Variants in UST observed in about 807,000 individuals in gnomAD.
UST encodes the protein uronyl 2-sulfotransferase.
In UST, 21 loss-of-function variants were observed where a neutral mutation model predicts 45.6. The ratio of observed to expected loss-of-function variants is 0.46; its 90% CI spans 0.33 to 0.66. The LOEUF is 0.66. Ranked by LOEUF, UST falls within the 30% of genes least tolerant of loss-of-function variation. The pLI, the probability that UST is intolerant of heterozygous loss-of-function variation, is 0.02. For synonymous variants in UST, 215 were observed against 200.6 expected, an observed-to-expected ratio of 1.07 and a Z score of -0.61; for missense variants, 463 against 512.4, an observed-to-expected ratio of 0.90 and a Z score of 0.93.
chr6:148,916,499 G>A (rs1254784760), intron 2 of UST, among the ~76,000 whole-genome samples: 9 of 152,196 alleles, frequency 5.9e-5, no homozygotes, highest in Non-Finnish European at 1.3e-4. Context: ...TGCAGACATC[G>A]TTCTGGATCC....
chr6:148,866,472 C>T (rs976631765), intron 1 of UST, among the ~76,000 whole-genome samples: 4 of 152,066 alleles, frequency 2.6e-5, no homozygotes, highest in East Asian at 1.9e-4. Context: ...GTTGTTTCCT[C>T]GTCTACAAGA....
chr6:149,020,449 T>A (rs959019915), intron 6 of UST, among the ~76,000 whole-genome samples: 1 of 152,220 alleles, frequency 6.6e-6, no homozygotes, highest in African/African-American at 2.4e-5. Flanking sequence ...TTGAACTCCC[T>A]AAAGTATTTT....
At chr6:148,882,408 C>G (rs771068286) in intron 1 of UST, among the ~76,000 whole-genome samples, 10 of 147,940 alleles carry the variant, frequency 6.8e-5, no homozygotes, top group Non-Finnish European at 1.5e-4. Flanking sequence ...ATTGCTTGAA[C>G]CTGGAAGGCA....
intron 7 of UST, among the ~76,000 whole-genome samples, chr6:149,028,453 T>C (rs2115023764): frequency 6.6e-6 from 1 of 152,294 alleles, no homozygotes; most frequent in East Asian, 1.9e-4. Context: ...AGGTTCTCTT[T>C]GTAACTTCTA....
intron 1 of UST, among the ~76,000 whole-genome samples, chr6:148,812,377 A>G (rs879428138): frequency 3.1e-4 from 47 of 152,212 alleles, no homozygotes; most frequent in African/African-American, 9.6e-4. Context: ...ACTTGATAGC[A>G]CCACGTATTG....
chr6:148,862,101 A>C (rs951957188), intron 1 of UST, among the ~76,000 whole-genome samples: 2 of 152,190 alleles, frequency 1.3e-5, no homozygotes, highest in Admixed American at 1.3e-4. Flanking sequence ...GTGGGGTGTT[A>C]AAGTCTCCCA....
At chr6:149,019,891 C>T (rs551945921) in intron 6 of UST, among the ~76,000 whole-genome samples, 6 of 152,296 alleles carry the variant, frequency 3.9e-5, no homozygotes, top group Non-Finnish European at 5.9e-5. Context: ...ATCATAGTCT[C>T]GTGTGTAGCA....
intron 2 of UST, among the ~76,000 whole-genome samples, chr6:148,890,853 T>C (rs1779004765): frequency 6.6e-6 from 1 of 152,212 alleles, no homozygotes; most frequent in Admixed American, 6.5e-5. Context: ...AATACGGTGG[T>C]TTAAGGTTAG....
chr6:148,752,117 C>T (rs1470463763), intron 1 of UST, among the ~76,000 whole-genome samples: 4 of 152,008 alleles, frequency 2.6e-5, no homozygotes, highest in East Asian at 1.9e-4. Context: ...CCAATCTTTA[C>T]GTATATTATA....
At position 149,035,524 on chromosome 6, in the gene UST, G is replaced by A. The variant is rs1389955165; in HGVS notation, c.937+14043G>A. ...AATCCCAGCACTTTGGGAAGCCAAG[G>A]TGGGTGGATCTCTTGAGCTCAGGAG... On this transcript the variant is annotated intron_variant, in intron 7 of 7. Coordinates refer to ENST00000367463, the MANE Select transcript of UST (RefSeq NM_005715.3). Among the ~76,000 whole-genome samples the A allele has an allele frequency of 3.9e-5, 6 of 152,252 alleles. No individual in the cohort carries two copies. The East Asian group carries it at 1.2e-3, about 29-fold the overall frequency.
chr6:148,903,474 A>G (rs1406354355), intron 2 of UST, among the ~76,000 whole-genome samples: 1 of 152,198 alleles, frequency 6.6e-6, no homozygotes, highest in East Asian at 1.9e-4. Context: ...TTATTTTTAA[A>G]TTTTCTGAAA....
At chr6:148,946,792 C>T (rs569549364) in intron 3 of UST, among the ~76,000 whole-genome samples, 9 of 112,496 alleles carry the variant, frequency 8.0e-5, no homozygotes, top group East Asian at 2.7e-4. Context: ...CTAGCCTGGG[C>T]GACAGAGCGA....
At chr6:148,900,699 TC>T (rs1779236550) in intron 2 of UST, among the ~76,000 whole-genome samples, 1 of 152,222 alleles carries the variant, frequency 6.6e-6, no homozygotes, top group Non-Finnish European at 1.5e-5. Context: ...TTGTATTTGT[TC>T]CTTTTTGCTG....
intron 1 of UST, among the ~76,000 whole-genome samples, chr6:148,873,167 A>T (rs78299187): frequency 0.014 from 2,097 of 152,336 alleles, 49 homozygotes; most frequent in African/African-American, 0.047. Context: ...ATCCAAGATC[A>T]CTTTTTATAT....
At chr6:148,981,212 C>A (rs1338972924) in intron 5 of UST, among the ~76,000 whole-genome samples, 1 of 152,152 alleles carries the variant, frequency 6.6e-6, no homozygotes, top group Non-Finnish European at 1.5e-5. Context: ...GCACTAGAAT[C>A]CTCAACTTAA....
chr6:148,895,448 G>A (rs1779108680), intron 2 of UST, among the ~76,000 whole-genome samples: 1 of 152,308 alleles, frequency 6.6e-6, no homozygotes, highest in Non-Finnish European at 1.5e-5. Flanking sequence ...GAAGTCTGCT[G>A]TCTCTCAAAC....
chr6:148,888,796 T>C (rs1412665305), intron 2 of UST, among the ~76,000 whole-genome samples: 1 of 152,124 alleles, frequency 6.6e-6, no homozygotes, highest in Admixed American at 6.6e-5. Flanking sequence ...GTGGTAGAAA[T>C]ACAAATATGA....
At chr6:149,033,320 C>G (rs1247685674) in intron 7 of UST, among the ~76,000 whole-genome samples, 1 of 152,206 alleles carries the variant, frequency 6.6e-6, no homozygotes, top group Non-Finnish European at 1.5e-5. Context: ...ACCCATTTTG[C>G]ATGACTCAAC....
At chr6:148,985,612 A>G (rs1475684528) in intron 5 of UST, among the ~76,000 whole-genome samples, 1 of 152,194 alleles carries the variant, frequency 6.6e-6, no homozygotes, top group Non-Finnish European at 1.5e-5. Flanking sequence ...TAGAAGCAAG[A>G]TGGATATGCA....
Sources: gnomAD v4.1 joint callset for allele counts (sites outside exome capture counted in the v4.1 genomes callset) on GRCh38, gnomAD v4.1.1 for gene constraint, MANE v1.5 for transcripts, NCBI Gene and HGNC (gene_info 2026-07-23, HGNC 2026-07-21) for gene names.